The following RNGTT variants were observed in gnomAD, a reference collection of about 807,000 sequenced individuals.
RNGTT encodes mRNA-capping enzyme.
A neutral mutation model predicts 79.3 loss-of-function variants in RNGTT; 33 were observed. The observed-to-expected ratio is 0.42, with a 90% CI of 0.32 to 0.56. RNGTT has a LOEUF of 0.56. Ranked by LOEUF, RNGTT falls within the 20% of genes least tolerant of loss-of-function variation. The pLI is 0.17. For synonymous variants in RNGTT, 222 were observed against 235.9 expected (o/e 0.94, Z 0.54); for missense variants, 497 against 739.1 (o/e 0.67, Z 3.80).
intron 14 of RNGTT, among the ~76,000 whole-genome samples, chr6:88,654,457 A>C (rs886744788): frequency 6.6e-6 from 1 of 152,184 alleles, no homozygotes; most frequent in African/African-American, 2.4e-5. Flanking sequence ...TCCTCAAAAA[A>C]CATGAAATCA....
chr6:88,710,969 T>A (rs1199622755), intron 13 of RNGTT, among the ~76,000 whole-genome samples: 1 of 152,174 alleles, frequency 6.6e-6, no homozygotes, highest in Non-Finnish European at 1.5e-5. Flanking sequence ...CAATTCACAA[T>A]ATGTTTTCAA....
Position 88,901,955 on chromosome 6 carries a change from AC to A in RNGTT, c.684+2759del, listed in dbSNP as rs568747218. Among the ~76,000 whole-genome samples, 4 of 152,338 alleles carry A rather than the reference AC, an allele frequency of 2.6e-5. No homozygotes were observed. In the South Asian group the frequency reaches 8.3e-4, roughly 32 times the overall value. ...TAGAAGGAAAACTATCCAAAATGGA[AC>A]CACAAAAATACATGAAAGAAAGAGC... On this transcript the variant is annotated intron_variant, in intron 6 of 15. Transcript: ENST00000369485.
At chr6:88,935,525 G>A (rs1382414382) in intron 2 of RNGTT, among the ~76,000 whole-genome samples, 1 of 152,020 alleles carries the variant, frequency 6.6e-6, no homozygotes, top group Non-Finnish European at 1.5e-5. Context: ...ACCAGCCTAG[G>A]CAACACAGTG....
At chr6:88,884,575 T>C (rs1247803862) in intron 8 of RNGTT, among the ~76,000 whole-genome samples, 1 of 152,010 alleles carries the variant, frequency 6.6e-6, no homozygotes, top group Non-Finnish European at 1.5e-5. Context: ...TTAAAAGGGA[T>C]AGGAGAAAGT....
intron 11 of RNGTT, among the ~76,000 whole-genome samples, chr6:88,822,102 C>T (rs1780514055): frequency 6.6e-6 from 1 of 152,212 alleles, no homozygotes; most frequent in East Asian, 1.9e-4. Context: ...TCTCTAGGGG[C>T]ATTTCCTGAT....
At chr6:88,913,029 C>T (rs1381249929) in intron 4 of RNGTT, among the ~76,000 whole-genome samples, 1 of 151,868 alleles carries the variant, frequency 6.6e-6, no homozygotes, top group Non-Finnish European at 1.5e-5. Flanking sequence ...CATGGCAAAA[C>T]CCCATCTCTA....
intron 14 of RNGTT, among the ~76,000 whole-genome samples, chr6:88,639,793 G>C (rs1435275127): frequency 6.6e-6 from 1 of 152,176 alleles, no homozygotes; most frequent in African/African-American, 2.4e-5. Context: ...GCCACACTCA[G>C]AGCCAGGTAC....
intron 13 of RNGTT, among the ~76,000 whole-genome samples, chr6:88,715,468 T>A (rs1274380144): frequency 6.6e-6 from 1 of 152,072 alleles, no homozygotes; most frequent in East Asian, 1.9e-4. Context: ...AAAACTACTT[T>A]AAAGTTCATA....
At chr6:88,700,244 C>T (rs181082933) in intron 13 of RNGTT, among the ~76,000 whole-genome samples, 2 of 152,260 alleles carry the variant, frequency 1.3e-5, no homozygotes, top group East Asian at 3.9e-4. Context: ...GAAATTGTTA[C>T]AGACTGCCTC....
At chr6:88,869,553 T>G (rs113584350) in intron 8 of RNGTT, among the ~76,000 whole-genome samples, 2,889 of 152,208 alleles carry the variant, frequency 0.019, 98 homozygotes, top group African/African-American at 0.066. Flanking sequence ...TACAGGGTTA[T>G]AGGCAGTTGG....
intron 13 of RNGTT, among the ~76,000 whole-genome samples, chr6:88,755,245 G>T (rs145016568): frequency 2.6e-4 from 39 of 152,130 alleles, no homozygotes; most frequent in African/African-American, 9.4e-4. Context: ...TTACTCCAAA[G>T]AACAAATGAA....
At chr6:88,895,055 TAAAG>T (rs1399329917) in intron 6 of RNGTT, among the ~76,000 whole-genome samples, 3 of 152,036 alleles carry the variant, frequency 2.0e-5, no homozygotes, top group Non-Finnish European at 4.4e-5. Flanking sequence ...TTTGTGAAAA[TAAAG>T]AAAAATCGAA....
chr6:88,826,765 A>G (rs2127884495), intron 11 of RNGTT, among the ~76,000 whole-genome samples: 1 of 149,074 alleles, frequency 6.7e-6, no homozygotes, highest in Admixed American at 6.7e-5. Flanking sequence ...CCTGGGCAAC[A>G]AGAGCAAAAC....
chr6:88,698,235 A>T (rs1233576466), intron 13 of RNGTT, among the ~76,000 whole-genome samples: 3 of 115,986 alleles, frequency 2.6e-5, no homozygotes, highest in Non-Finnish European at 4.9e-5. Flanking sequence ...ATATATATGA[A>T]ATATATATAT....
At chr6:88,893,107 A>C (rs1372569541) in intron 6 of RNGTT, among the ~76,000 whole-genome samples, 1 of 152,132 alleles carries the variant, frequency 6.6e-6, no homozygotes, top group Non-Finnish European at 1.5e-5. Context: ...TTTATCATTA[A>C]GTACAACAGC....
chr6:88,909,704 G>A (rs911245255), intron 4 of RNGTT, among the ~76,000 whole-genome samples: 1 of 152,164 alleles, frequency 6.6e-6, no homozygotes, highest in African/African-American at 2.4e-5. Flanking sequence ...GCACTGCTGA[G>A]GACACAATGA....
intron 13 of RNGTT, among the ~76,000 whole-genome samples, chr6:88,687,820 C>A (rs192651238): frequency 1.4e-4 from 22 of 152,144 alleles, no homozygotes; most frequent in Admixed American, 7.2e-4. Flanking sequence ...TAGGTGAAAA[C>A]AGGTAGAAAT....
At chr6:88,836,027 T>TAAGAC (rs1261892596) in intron 11 of RNGTT, among the ~76,000 whole-genome samples, 2,831 of 117,378 alleles carry the variant, frequency 0.024, 119 homozygotes, top group African/African-American at 0.078. Context: ...CACACACATA[T>TAAGAC]ATATATAAGA....
chr6:88,930,924 A>G (rs1341562839), intron 2 of RNGTT, among the ~76,000 whole-genome samples: 1 of 152,184 alleles, frequency 6.6e-6, no homozygotes, highest in Non-Finnish European at 1.5e-5. Context: ...TTCCAGTTCC[A>G]TAAAGAAACC....
Sources: gnomAD v4.1 joint callset for allele counts (sites outside exome capture counted in the v4.1 genomes callset) on GRCh38, gnomAD v4.1.1 for gene constraint, MANE v1.5 for transcripts, NCBI Gene and HGNC (gene_info 2026-07-23, HGNC 2026-07-21) for gene names.